The following FHIT variants were observed in gnomAD, a reference collection of about 807,000 sequenced individuals.
FHIT encodes fragile histidine triad diadenosine triphosphatase, also known as bis(5'-adenosyl)-triphosphatase.
FHIT carries 19 observed loss-of-function variants against 17.9 expected under a neutral mutation model. That is an observed-to-expected ratio of 1.06 (90% CI 0.74 to 1.56). FHIT has a LOEUF of 1.56. FHIT is among the 40% of genes most tolerant of loss of function. FHIT has a pLI of 0.00. For synonymous variants in FHIT, 81 were observed against 69.7 expected (o/e 1.16, Z -0.81); for missense variants, 248 against 189.2 (o/e 1.31, Z -1.82).
chr3:60,634,887 G>A (rs1194163474), intron 4 of FHIT, among the ~76,000 whole-genome samples: 2 of 152,016 alleles, frequency 1.3e-5, no homozygotes, highest in Admixed American at 6.6e-5. Flanking sequence ...AGAGTGAGAC[G>A]CCATCTCTAT....
At chr3:60,857,071 A>G (rs565460204) in intron 3 of FHIT, among the ~76,000 whole-genome samples, 1 of 152,120 alleles carries the variant, frequency 6.6e-6, no homozygotes, top group Admixed American at 6.6e-5. Flanking sequence ...TGTAAGATCC[A>G]TAAAGGCAAG....
chr3:59,895,609 C>T (rs770032007), intron 8 of FHIT, among the ~76,000 whole-genome samples: 24 of 152,172 alleles, frequency 1.6e-4, no homozygotes, highest in Non-Finnish European at 3.4e-4. Flanking sequence ...CAATAAGTTA[C>T]GTCAACTTGA....
At chr3:59,847,367 G>A (rs1701760295) in intron 8 of FHIT, among the ~76,000 whole-genome samples, 1 of 151,770 alleles carries the variant, frequency 6.6e-6, no homozygotes, top group African/African-American at 2.4e-5. Context: ...ATCTGCCTTT[G>A]AGTTCTAGTG....
chr3:59,925,321 G>C (rs1347113144), intron 7 of FHIT, among the ~76,000 whole-genome samples: 2 of 152,024 alleles, frequency 1.3e-5, no homozygotes, highest in African/African-American at 2.4e-5. Flanking sequence ...GCCCAGTCTG[G>C]TCTCAAACTC....
intron 4 of FHIT, among the ~76,000 whole-genome samples, chr3:60,783,271 C>T (rs1700454963): frequency 6.6e-6 from 1 of 152,132 alleles, no homozygotes; most frequent in Non-Finnish European, 1.5e-5. Flanking sequence ...ATAGCAGGGC[C>T]TTCAATAGGT....
chr3:60,461,709 T>C (rs1228471480), intron 5 of FHIT, among the ~76,000 whole-genome samples: 3 of 152,152 alleles, frequency 2.0e-5, no homozygotes, highest in East Asian at 1.9e-4. Flanking sequence ...CAAGTTGGTC[T>C]CTCACCCAAT....
intron 5 of FHIT, among the ~76,000 whole-genome samples, chr3:60,176,607 G>A (rs1701684531): frequency 6.6e-6 from 1 of 152,140 alleles, no homozygotes; most frequent in Non-Finnish European, 1.5e-5. Flanking sequence ...GTGGGGTAGA[G>A]ATGGAACAAA....
intron 4 of FHIT, among the ~76,000 whole-genome samples, chr3:60,574,584 C>A (rs1023822482): frequency 3.9e-5 from 6 of 152,144 alleles, no homozygotes; most frequent in Admixed American, 1.3e-4. Flanking sequence ...CTCAAGAATC[C>A]CAGGCTGGGA....
chr3:59,929,519 C>T (rs769723910), intron 7 of FHIT, among the ~76,000 whole-genome samples: 14 of 151,754 alleles, frequency 9.2e-5, no homozygotes, highest in South Asian at 2.1e-4. Flanking sequence ...TACAGGAGCA[C>T]GCCACTATGC....
intron 5 of FHIT, among the ~76,000 whole-genome samples, chr3:60,508,889 A>T (rs1184859924): frequency 2.6e-5 from 4 of 151,900 alleles, no homozygotes; most frequent in East Asian, 3.9e-4. Context: ...ATTTGGTTTT[A>T]AAAAAAACTA....
chr3:61,022,828 A>G (rs1329976172), intron 3 of FHIT, among the ~76,000 whole-genome samples: 1 of 152,222 alleles, frequency 6.6e-6, no homozygotes, highest in Admixed American at 6.5e-5. Context: ...TAAACTAGGT[A>G]TTGATGGAAC....
At chr3:59,968,004 C>T (rs987023585) in intron 7 of FHIT, among the ~76,000 whole-genome samples, 7 of 152,098 alleles carry the variant, frequency 4.6e-5, no homozygotes, top group Admixed American at 1.3e-4. Flanking sequence ...ATGTCATTTT[C>T]ATCTAACACA....
intron 3 of FHIT, among the ~76,000 whole-genome samples, chr3:61,013,999 G>C (rs917419562): frequency 1.3e-5 from 2 of 152,150 alleles, no homozygotes; most frequent in Non-Finnish European, 2.9e-5. Context: ...CCAGTTATTT[G>C]AGGAGGGGCA....
In FHIT at chr3:60,930,519, G is replaced by GA. The variant is rs540444445; in HGVS notation, c.-110-108509dup. ...TACAAAGAATCAAACAGATTTACAA[G>GA]AAAAAACAAACAACCCCATCAAAAA... On this transcript the variant is annotated intron_variant, in intron 3 of 9. Coordinates refer to ENST00000492590, the MANE Select transcript of FHIT (RefSeq NM_002012.4). 2.9e-4 allele frequency among the ~76,000 whole-genome samples: 44 copies of GA among 152,074 alleles called. 2 individuals are homozygous for GA. The South Asian group carries it at 8.9e-3, about 31-fold the overall frequency.
At chr3:60,108,603 A>G (rs1271610198) in intron 5 of FHIT, among the ~76,000 whole-genome samples, 1 of 151,976 alleles carries the variant, frequency 6.6e-6, no homozygotes, top group East Asian at 1.9e-4. Context: ...TCGACAGATC[A>G]TGCTAAAATT....
chr3:60,086,316 A>C (rs1576067100), intron 5 of FHIT, among the ~76,000 whole-genome samples: 1 of 152,194 alleles, frequency 6.6e-6, no homozygotes, highest in East Asian at 1.9e-4. Context: ...TTGGGGATCA[A>C]GTTTCAACAT....
At chr3:60,625,436 CT>C (rs2039259271) in intron 4 of FHIT, among the ~76,000 whole-genome samples, 1 of 152,120 alleles carries the variant, frequency 6.6e-6, no homozygotes, top group Admixed American at 6.5e-5. Context: ...TCTATGTCTT[CT>C]TTTCAATTAT....
Position 59,749,560 on chromosome 3 carries a change from A to C in FHIT, c.*25T>G, listed in dbSNP as rs1451018219. 1 of 231,454 alleles carries C rather than the reference A, an allele frequency of 4.3e-6. No homozygotes were observed. Among genetic ancestry groups the C allele is most frequent in the Non-Finnish European group, 8.5e-6 (1 of 117,002 alleles). The allele number at this position is 231,454 out of a possible 1,614,324, so 14.3% of individuals were successfully genotyped here. ...GGTTGGCAATAGCTCTTTTGCTGGAATTCAGGATCTGAAAAACATCTTAAG... is the reference window on the plus strand; with the variant it reads ...GGTTGGCAATAGCTCTTTTGCTGGACTTCAGGATCTGAAAAACATCTTAAG... On this transcript the variant is annotated 3_prime_UTR_variant, in exon 10 of 10. Transcript: ENST00000492590.
At chr3:60,439,778 G>A (rs1451296832) in intron 5 of FHIT, among the ~76,000 whole-genome samples, 3 of 152,100 alleles carry the variant, frequency 2.0e-5, no homozygotes, top group Non-Finnish European at 4.4e-5. Flanking sequence ...TATCATTTTA[G>A]AACGGAAGGA....
Sources: allele counts gnomAD v4.1 joint callset (sites outside exome capture counted in the v4.1 genomes callset), GRCh38; gene constraint gnomAD v4.1.1; transcripts MANE v1.5; gene names NCBI Gene and HGNC (gene_info 2026-07-23, HGNC 2026-07-21).